The following MYH11 variants were observed in gnomAD, a reference collection of about 807,000 sequenced individuals.
The protein encoded by MYH11 is myosin-11.
MYH11 carries 80 observed loss-of-function variants against 246.6 expected under a neutral mutation model. The observed-to-expected ratio is 0.32, with a 90% CI of 0.27 to 0.39. The LOEUF (loss-of-function observed/expected upper bound fraction) is 0.39, where lower values mean the gene tolerates loss of function less well. MYH11 is among the 10% of genes least tolerant of loss of function. The probability of loss-of-function intolerance (pLI) is 1.00; values close to 1 mark genes in which losing one functional copy is unlikely to be tolerated. For synonymous variants in MYH11, 1,071 were observed against 1,015.5 expected, an observed-to-expected ratio of 1.05 and a Z score of -1.04; for missense variants, 2,158 against 2,546.8, an observed-to-expected ratio of 0.85 and a Z score of 3.29.
intron 4 of MYH11, among the ~76,000 whole-genome samples, chr16:15,787,780 G>A (rs912427074): frequency 7.2e-5 from 11 of 152,092 alleles, no homozygotes; most frequent in African/African-American, 2.4e-4. Flanking sequence ...CTTCAAGAAA[G>A]GATGTAAGTG....
At position 15,719,449 on chromosome 16, in the gene MYH11, G is replaced by A. The variant is rs2040349235; in HGVS notation, c.5082+136C>T. ...GAGGCCCCGTGAATACATAGAGGAGGGAAGCGTGTGTCTTTCTAGACAGGT... is the reference window on the plus strand; with the variant it reads ...GAGGCCCCGTGAATACATAGAGGAGAGAAGCGTGTGTCTTTCTAGACAGGT... On this transcript the variant is annotated intron_variant, in intron 35 of 40. Transcript: ENST00000300036. 29 of 1,488,100 alleles carry A rather than the reference G, an allele frequency of 1.9e-5. No homozygotes were observed. In the South Asian group the frequency reaches 3.2e-4, roughly 16 times the overall value. 92.2% of individuals were successfully genotyped at this position (1,488,100 alleles called of 1,614,324 possible). A position where few individuals can be genotyped will look rare whatever the true frequency, so the allele number is the denominator to read the frequency against.
intron 14 of MYH11, among the ~76,000 whole-genome samples, chr16:15,754,388 A>G (rs2041657928): frequency 6.6e-6 from 1 of 152,166 alleles, no homozygotes; most frequent in Non-Finnish European, 1.5e-5. Flanking sequence ...AATTTTTACT[A>G]TGGTGAATAT....
At chr16:15,724,566 C>G in intron 30 of MYH11, 81 bp downstream of exon 30, 2 of 1,609,794 alleles carry the variant, frequency 1.2e-6, no homozygotes, top group Non-Finnish European at 1.7e-6. Context: ...ACCAACACTC[C>G]ACCGCGATCT....
At chr16:15,839,311 A>G (rs1430604489) in intron 1 of MYH11, among the ~76,000 whole-genome samples, 1 of 152,212 alleles carries the variant, frequency 6.6e-6, no homozygotes, top group Non-Finnish European at 1.5e-5. Context: ...TGCTCAGTGA[A>G]ACAAATCAGA....
At chr16:15,822,736 A>C (rs554822153) in intron 3 of MYH11, among the ~76,000 whole-genome samples, 1 of 152,316 alleles carries the variant, frequency 6.6e-6, no homozygotes, top group South Asian at 2.1e-4. Context: ...AACAATAGTA[A>C]AAATAATAAC....
At chr16:15,806,237 A>T (rs1567188569) in intron 3 of MYH11, among the ~76,000 whole-genome samples, 1 of 134,970 alleles carries the variant, frequency 7.4e-6, no homozygotes, top group Non-Finnish European at 1.5e-5. Context: ...AGACCACATC[A>T]CTGCACTCCA....
chr16:15,741,459 T>C lies in MYH11; in HGVS notation c.2859+4A>G. Reference sequence around the variant, plus strand: ...CACCACGGGCTGCCCCTGTGACACCTTACCAGCATCTGCTGGGCCATCTTC... The same window carrying C: ...CACCACGGGCTGCCCCTGTGACACCCTACCAGCATCTGCTGGGCCATCTTC... On this transcript the variant is annotated splice_donor_region_variant and intron_variant, in intron 22 of 40. Coordinates refer to ENST00000300036, the MANE Select transcript of MYH11 (RefSeq NM_002474.3). 6.2e-7 allele frequency: 1 copy of C among 1,607,090 alleles called. No individual in the cohort carries two copies. Among genetic ancestry groups the C allele is most frequent in the Non-Finnish European group, 8.5e-7 (1 of 1,179,982 alleles).
intron 19 of MYH11, among the ~76,000 whole-genome samples, chr16:15,745,582 C>CTTTTTTTTTTTTTTT (rs71981525): frequency 1.6e-4 from 15 of 94,402 alleles, no homozygotes; most frequent in Non-Finnish European, 2.3e-4. Flanking sequence ...TTCTTTCTTT[C>CTTTTTTTTTTTTTTT]TTTTTTTTTT....
At position 15,720,205 on chromosome 16, in the gene MYH11, G is replaced by A. The variant is rs760584464; in HGVS notation, c.4899C>T (p.Ala1633=). The A allele has an allele frequency of 9.3e-6, 15 of 1,613,950 alleles. No individual in the cohort carries two copies. The highest frequency in any genetic ancestry group is 4.5e-5 in the East Asian group (2 of 44,884). ...CCTCCCTCCCCTTGATGGCAGAGTC[G>A]GCCTGAAGCTCCAGGTCTTTCAGGT... ...EGDLKDLELQ[A]DSAIKGREEA... The change falls in exon 34 of 41, where the codon GCC becomes GCT. Residue 1633 remains alanine (A), a synonymous_variant. Transcript: ENST00000300036.
chr16:15,721,552 G>C lies in MYH11; in HGVS notation c.4448C>G (p.Thr1483Ser). The change falls in exon 32 of 41, where the codon ACC (threonine) becomes AGC (serine). Residue 1483 changes from threonine (T) to serine (S), a missense_variant. By Grantham distance (58) the Thr-to-Ser change is moderately conservative. This residue lies in a region of MYH11 where 1,013 missense variants were observed against 993.5 expected (regional missense o/e 1.02). Coordinates refer to ENST00000300036, the MANE Select transcript of MYH11 (RefSeq NM_002474.3). The part of the protein sequence containing the change: ...RAEAEAREKE[T>S]KALSLARALE... ...GGCCCGAGCCAGGGACAGGGCCTTG[G>C]TTTCCTTCTCCCTGGCTTCTGCCTC... is the stretch of plus-strand genomic sequence containing the variant. 1.2e-6 allele frequency: 2 copies of C among 1,614,198 alleles called. No homozygotes were observed. The highest frequency in any genetic ancestry group is 1.3e-5 in the African/African-American group (1 of 75,052).
At chr16:15,831,276 C>T (rs150393715) in intron 2 of MYH11, among the ~76,000 whole-genome samples, 3 of 152,174 alleles carry the variant, frequency 2.0e-5, no homozygotes, top group East Asian at 1.9e-4. Flanking sequence ...GAAATAGGAA[C>T]GAAGGGGGAA....
At chr16:15,727,559 G>A (rs767352204) in intron 27 of MYH11, among the ~76,000 whole-genome samples, 12 of 152,158 alleles carry the variant, frequency 7.9e-5, no homozygotes, top group African/African-American at 2.6e-4. Context: ...TCCCACAAGC[G>A]GTATCCAACC....
rs577217183 is a variant in MYH11 at position 15,782,281 on chromosome 16, A to G, written c.726+104T>C. The stretch of plus-strand genomic sequence containing the variant: ...ATTGTGAGATACAGCCCATCTCTCC[A>G]GGGTCAGATGCCCCTCCCACCTCTG... On this transcript the variant is annotated intron_variant, in intron 6 of 40. Coordinates refer to ENST00000300036, the MANE Select transcript of MYH11 (RefSeq NM_002474.3). 3.3e-6 allele frequency: 3 copies of G among 921,262 alleles called. No individual in the cohort carries two copies. In the East Asian group the frequency reaches 7.2e-5, roughly 22 times the overall value. 57.1% of individuals were successfully genotyped at this position (921,262 alleles called of 1,614,324 possible). A position where few individuals can be genotyped will look rare whatever the true frequency, so the allele number is the denominator to read the frequency against.
At chr16:15,843,241 T>A (rs555613707) in intron 1 of MYH11, among the ~76,000 whole-genome samples, 40 of 151,962 alleles carry the variant, frequency 2.6e-4, no homozygotes, top group African/African-American at 8.4e-4. Context: ...CATAGTGGCA[T>A]GTGCCTGTAA....
rs759176544 is a variant in MYH11 at position 15,724,979 on chromosome 16, C to T, written c.3872G>A (p.Ser1291Asn). ...GGCCTCGTTAAGCATCCCTGTGACG[C>T]TCTCAACTTCATTCTAAGGGTGCCA... ...KVHKLQNEVE[S>N]VTGMLNEAEG... Residue 1291 changes from serine (S) to asparagine (N), a missense_variant, in exon 29 of 41, where the codon AGC becomes AAC. Transcript: ENST00000300036. The T allele has an allele frequency of 6.2e-7, 1 of 1,614,002 alleles. No individual in the cohort carries two copies.
chr16:15,719,286 G>A lies in MYH11; in HGVS notation c.5105C>T (p.Ala1702Val), dbSNP rs1176791349. 1 of 1,612,436 alleles carries A rather than the reference G, an allele frequency of 6.2e-7. No individual in the cohort carries two copies. The highest frequency in any genetic ancestry group is 8.5e-7 in the Non-Finnish European group (1 of 1,180,018). ...LQEDLAAAER[A>V]RKQADLEKEE... ...CTTCTCGAGGTCCGCTTGTTTGCGA[G>A]CCCTCTCAGCGGCGGCGAGGTCCTA... The change falls in exon 36 of 41, where the codon GCT (alanine) becomes GTT (valine). Residue 1702 changes from alanine (A) to valine (V), a missense_variant. Transcript: ENST00000300036.
chr16:15,780,272 G>C (rs955849670), intron 6 of MYH11, among the ~76,000 whole-genome samples: 2 of 147,726 alleles, frequency 1.4e-5, no homozygotes, highest in African/African-American at 5.2e-5. Flanking sequence ...GTCACATGTT[G>C]GGGGGGGGCC....
chr16:15,725,260 A>G, intron 28 of MYH11: 3 of 592,104 alleles, frequency 5.1e-6, no homozygotes, highest in Non-Finnish European at 9.0e-6. Flanking sequence ...TTTGAGCCCC[A>G]ATGGTATTGA....
At chr16:15,745,067 G>T (rs2041379181) in intron 20 of MYH11, 62 bp downstream of exon 20, 5 of 1,262,764 alleles carry the variant, frequency 4.0e-6, no homozygotes, top group East Asian at 4.6e-5. Context: ...AAATGTGAAG[G>T]CTCCAGAGTG....
Sources: allele counts gnomAD v4.1 joint callset (sites outside exome capture counted in the v4.1 genomes callset), GRCh38; gene constraint gnomAD v4.1.1; regional missense constraint gnomAD v4.1.1; transcripts MANE v1.5; gene names NCBI Gene and HGNC (gene_info 2026-07-23, HGNC 2026-07-21).